CTSE: variants seen among roughly 807,000 people sequenced by gnomAD.
The protein encoded by CTSE is erythrocyte membrane aspartic proteinase.
Under a neutral mutation model 42.8 loss-of-function variants are expected in CTSE, and 43 were observed. The observed-to-expected ratio is 1.01, with a 90% CI of 0.79 to 1.30. The LOEUF is 1.30. Among genes scored for constraint, CTSE ranks in the 50% most tolerant of loss-of-function variants. The pLI is 0.00. For missense variants in CTSE, 532 were observed against 493.5 expected, an observed-to-expected ratio of 1.08 and a Z score of -0.74; for synonymous variants, 205 against 191.5, an observed-to-expected ratio of 1.07 and a Z score of -0.58.
At chr1:206,020,248 C>T (rs1451258262) in intron 4 of CTSE, among the ~76,000 whole-genome samples, 6 of 150,844 alleles carry the variant, frequency 4.0e-5, no homozygotes, top group Non-Finnish European at 7.4e-5. Flanking sequence ...AAATACAGTA[C>T]ATTGTTTTAT....
intron 4 of CTSE, 136 bp downstream of exon 4, chr1:206,020,913 T>C (rs538124619): frequency 4.2e-5 from 28 of 664,112 alleles, no homozygotes; most frequent in African/African-American, 3.4e-4. Flanking sequence ...TGGGGAGTGT[T>C]GCTTGCCCTT....
intron 1 of CTSE, 89 bp from the exon 2 acceptor site, chr1:206,023,146 A>AT: frequency 1.8e-6 from 1 of 548,640 alleles, no homozygotes; most frequent in Non-Finnish European, 3.3e-6. Flanking sequence ...GGCCAACTAG[A>AT]GAAGATGGGG....
chr1:206,010,265 A>G lies in CTSE; in HGVS notation c.1109T>C (p.Leu370Pro), dbSNP rs201686651. 3.1e-6 allele frequency: 5 copies of G among 1,613,652 alleles called. No individual in the cohort carries two copies. Among genetic ancestry groups the G allele is most frequent in the Non-Finnish European group, 4.2e-6 (5 of 1,179,778 alleles). Reference sequence around the variant, plus strand: ...AAACTGTCGAATGAAGACATCCCCCAGGATCCAGAGGGGCCCAGCTGGAGG... The same window carrying G: ...AAACTGTCGAATGAAGACATCCCCCGGGATCCAGAGGGGCCCAGCTGGAGG... Reference protein sequence around the residue: ...IHPPAGPLWILGDVFIRQFYS... With the variant: ...IHPPAGPLWIPGDVFIRQFYS... The change falls in exon 9 of 9, where the codon CTG becomes CCG. Residue 370 changes from leucine (L) to proline (P), a missense_variant. Coordinates refer to ENST00000358184, the MANE Select transcript of CTSE (RefSeq NM_001910.4).
chr1:206,009,987 T>C lies in CTSE; in HGVS notation c.*196A>G. 1 of 574,020 alleles carries C rather than the reference T, an allele frequency of 1.7e-6. No individual in the cohort carries two copies. 35.6% of individuals were successfully genotyped at this position (574,020 alleles called of 1,614,324 possible). On this transcript the variant is annotated 3_prime_UTR_variant, in exon 9 of 9. Coordinates refer to ENST00000358184, the MANE Select transcript of CTSE (RefSeq NM_001910.4). ...CATCATGACGGTGGTGGGAGTGGTG[T>C]GTATGTGTGAAGTGTGTGTGTGTGT... is the stretch of plus-strand genomic sequence containing the variant.
At chr1:206,016,473 T>G (rs920518877) in intron 4 of CTSE, among the ~76,000 whole-genome samples, 18 of 152,076 alleles carry the variant, frequency 1.2e-4, no homozygotes, top group Admixed American at 1.1e-3. Context: ...CATCATGTGC[T>G]TATTGTACAC....
rs1201305677 is a variant in CTSE, at chr1:206,020,966, G to A, written c.462+83C>T. The A allele has an allele frequency of 3.9e-6, 4 of 1,027,412 alleles. No homozygotes were observed. In the African/African-American group the frequency reaches 6.3e-5, roughly 16 times the overall value. The allele number at this position is 1,027,412 out of a possible 1,614,324, so 63.6% of individuals were successfully genotyped here. ...CTAACCCCTGTTTCCACCCATTCCTGAGGCAGATTTGAAATGTAAGACCTC... is the reference window on the plus strand; with the variant it reads ...CTAACCCCTGTTTCCACCCATTCCTAAGGCAGATTTGAAATGTAAGACCTC... On this transcript the variant is annotated intron_variant, in intron 4 of 8. Coordinates refer to ENST00000358184, the MANE Select transcript of CTSE (RefSeq NM_001910.4).
At chr1:206,022,830 T>C in intron 2 of CTSE, 71 bp downstream of exon 2, 1 of 1,395,570 alleles carries the variant, frequency 7.2e-7, no homozygotes. Context: ...GATGTGGCAC[T>C]GGCCATGCCC....
chr1:206,023,592 T>C (rs572488229), intron 1 of CTSE, 132 bp downstream of exon 1: 18 of 784,266 alleles, frequency 2.3e-5, no homozygotes, highest in African/African-American at 1.7e-4. Flanking sequence ...GATGAGTCTC[T>C]TCCATGCATT....
intron 6 of CTSE, among the ~76,000 whole-genome samples, chr1:206,013,408 C>T (rs782679047): frequency 2.6e-5 from 4 of 152,024 alleles, no homozygotes; most frequent in Non-Finnish European, 1.5e-5. Flanking sequence ...GGGTGCATCT[C>T]ATCTTCTGTA....
At chr1:206,016,188 G>A (rs1326799626) in intron 4 of CTSE, 58 bp from the exon 5 acceptor site, 3 of 1,516,354 alleles carry the variant, frequency 2.0e-6, no homozygotes, top group Non-Finnish European at 2.7e-6. Context: ...TGCTGGCAAA[G>A]GGTTTGACTC....
intron 2 of CTSE, among the ~76,000 whole-genome samples, chr1:206,022,652 G>A (rs1181083240): frequency 1.3e-5 from 2 of 152,018 alleles, no homozygotes; most frequent in South Asian, 2.1e-4. Context: ...AGAAGCAGGG[G>A]CCTTCAGTGT....
At position 206,022,228 on chromosome 1, in the gene CTSE, G is replaced by A. The variant is rs781983044; in HGVS notation, c.265C>T (p.Gln89Ter). The A allele has an allele frequency of 1.9e-6, 3 of 1,613,102 alleles. No homozygotes were observed. The highest frequency in any genetic ancestry group is 2.2e-5 in the South Asian group (2 of 91,044). The change falls in exon 3 of 9, where the codon CAG becomes TAG. Residue 89 changes from glutamine (Q) to a stop codon, truncating the protein, a stop_gained. Transcript: ENST00000358184. LOFTEE classifies it high-confidence loss of function. ...FGTISIGSPP[Q>*]NFTVIFDTGS... ...GTGTCGAAGATGACAGTGAAGTTCTGTGGTGGGGAGCCAATGGAGATAGTG... is the reference window on the plus strand; with the variant it reads ...GTGTCGAAGATGACAGTGAAGTTCTATGGTGGGGAGCCAATGGAGATAGTG...
Position 206,023,027 on chromosome 1 carries a change from C to G in CTSE, c.99G>C (p.Lys33Asn). Residue 33 changes from lysine to asparagine, a missense_variant, in exon 2 of 9, where the codon AAG becomes AAC. Lys to Asn is a moderately conservative substitution (Grantham distance 94, BLOSUM62 0). Coordinates refer to ENST00000358184, the MANE Select transcript of CTSE (RefSeq NM_001910.4). Reference protein sequence around the residue: ...RVPLRRHPSLKKKLRARSQLS... With the variant: ...RVPLRRHPSLNKKLRARSQLS... ...GCTGGCTCCGTGCCCGCAGCTTCTT[C>G]TTGAGGGACGGATGCCTCCTGAGGG... 6.2e-7 allele frequency: 1 copy of G among 1,613,274 alleles called. No individual in the cohort carries two copies. Among genetic ancestry groups the G allele is most frequent in the Non-Finnish European group, 8.5e-7 (1 of 1,179,522 alleles).
rs782539052 is a variant in CTSE at position 206,012,335 on chromosome 1, G to T, written c.999C>A (p.Thr333=). The T allele has an allele frequency of 6.2e-7, 1 of 1,613,842 alleles. No individual in the cohort carries two copies. Among genetic ancestry groups the T allele is most frequent in the Non-Finnish European group, 8.5e-7 (1 of 1,179,794 alleles). ...GTAGGGTGTAGGCAGTTGGGCTGAG[G>T]GTATAGGGGACTCCGTTAATGGTGA... The part of the protein sequence containing the change: ...VTFTINGVPY[T]LSPTAYTLLD... The change falls in exon 8 of 9, where the codon ACC becomes ACA. Residue 333 remains threonine (T), a synonymous_variant. Transcript: ENST00000358184.
rs1216107526 is a variant in CTSE at position 206,022,242 on chromosome 1, A to T, written c.251T>A (p.Ile84Asn). Residue 84 changes from isoleucine (I) to asparagine (N), a missense_variant, in exon 3 of 9, where the codon ATT (isoleucine) becomes AAT (asparagine). Ile to Asn is a moderately radical substitution (Grantham distance 149, BLOSUM62 -3). Transcript: ENST00000358184. ...AGTGAAGTTCTGTGGTGGGGAGCCA[A>T]TGGAGATAGTGCCGAAGTATTCCAT... Reference protein sequence around the residue: ...LDMEYFGTISIGSPPQNFTVI... With the variant: ...LDMEYFGTISNGSPPQNFTVI... 2.5e-6 allele frequency: 4 copies of T among 1,612,102 alleles called. No individual in the cohort carries two copies. Among genetic ancestry groups the T allele is most frequent in the Middle Eastern group, 1.6e-4 (1 of 6,082 alleles).
chr1:206,021,378 T>C, intron 3 of CTSE: 1 of 558,596 alleles, frequency 1.8e-6, no homozygotes, highest in Non-Finnish European at 3.2e-6. Context: ...CAAATAGCTA[T>C]CCCTGAGCAA....
intron 4 of CTSE, among the ~76,000 whole-genome samples, chr1:206,019,883 G>A (rs1661365276): frequency 7.2e-6 from 1 of 138,270 alleles, no homozygotes; most frequent in African/African-American, 2.7e-5. Flanking sequence ...AATATATTAT[G>A]TAATATATTA....
At chr1:206,010,583 C>T (rs1661065787) in intron 8 of CTSE, among the ~76,000 whole-genome samples, 1 of 152,074 alleles carries the variant, frequency 6.6e-6, no homozygotes, top group Non-Finnish European at 1.5e-5. Context: ...CTATGTTCTA[C>T]AATTTTGAGA....
rs895111031 is a variant in CTSE, at chr1:206,017,684, G to T, written c.463-1554C>A. Among the ~76,000 whole-genome samples, 7 of 151,744 alleles carry T rather than the reference G, an allele frequency of 4.6e-5. 1 individual carries two copies. The highest frequency in any genetic ancestry group is 2.9e-5 in the Non-Finnish European group (2 of 67,964). On this transcript the variant is annotated intron_variant, in intron 4 of 8. Transcript: ENST00000358184. ...TTTGTATTTTTAGTAGAGAAATGTTGGTCAGGCTGGTCTCAAACTCCTGAC... is the reference window on the plus strand; with the variant it reads ...TTTGTATTTTTAGTAGAGAAATGTTTGTCAGGCTGGTCTCAAACTCCTGAC...
Sources: gnomAD v4.1 joint callset for allele counts (sites outside exome capture counted in the v4.1 genomes callset) on GRCh38, gnomAD v4.1.1 for gene constraint, MANE v1.5 for transcripts, NCBI Gene and HGNC (gene_info 2026-07-23, HGNC 2026-07-21) for gene names.